Variants in LMBR1 observed in about 807,000 individuals in gnomAD.
The protein encoded by LMBR1 is limb development membrane protein 1.
A neutral mutation model predicts 73.9 loss-of-function variants in LMBR1; 52 were observed. The observed-to-expected ratio is 0.70, with a 90% CI of 0.56 to 0.89. LMBR1 has a LOEUF of 0.89. Ranked by LOEUF, LMBR1 falls within the 40% of genes least tolerant of loss-of-function variation. The pLI is 0.00. For missense variants in LMBR1, 539 were observed against 579.8 expected (o/e 0.93, Z 0.72); for synonymous variants, 215 against 209.4 (o/e 1.03, Z -0.23).
In LMBR1 at chr7:156,681,217, G is replaced by A. The variant is rs1199101771; in HGVS notation, c.*2861C>T. The A allele has an allele frequency of 4.5e-6, 2 of 448,844 alleles. No homozygotes were observed. Among genetic ancestry groups the A allele is most frequent in the Non-Finnish European group, 8.9e-6 (2 of 224,884 alleles). The allele number at this position is 448,844 out of a possible 1,614,324, so 27.8% of individuals were successfully genotyped here. A position where few individuals can be genotyped will look rare whatever the true frequency, so the allele number is the denominator to read the frequency against. ...GACGAGGTCATCACTGAGGCTGCAG[G>A]GAGGGCCATGGGCACCCAGCAGATG... On this transcript the variant is annotated 3_prime_UTR_variant, in exon 17 of 17. Transcript: ENST00000353442.
chr7:156,876,890 T>A (rs1586409635), intron 1 of LMBR1, among the ~76,000 whole-genome samples: 1 of 151,550 alleles, frequency 6.6e-6, no homozygotes, highest in South Asian at 2.1e-4. Flanking sequence ...AAATAGACAA[T>A]CTAAGGTCAC....
At chr7:156,689,352 T>A (rs1356184098) in intron 15 of LMBR1, among the ~76,000 whole-genome samples, 2 of 152,234 alleles carry the variant, frequency 1.3e-5, no homozygotes, top group African/African-American at 2.4e-5. Flanking sequence ...AATAAAATTA[T>A]GTACCTTGTA....
intron 5 of LMBR1, among the ~76,000 whole-genome samples, chr7:156,769,631 A>G (rs1383843194): frequency 6.6e-6 from 1 of 152,224 alleles, no homozygotes; most frequent in Non-Finnish European, 1.5e-5. Flanking sequence ...GGATGCTGGC[A>G]GGAGACACAA....
chr7:156,876,361 C>T (rs575838180), intron 1 of LMBR1, among the ~76,000 whole-genome samples: 30 of 152,222 alleles, frequency 2.0e-4, no homozygotes, highest in Non-Finnish European at 4.3e-4. Context: ...GACAGCAACA[C>T]AATAATAGTG....
chr7:156,734,279 T>C (rs776206316), intron 9 of LMBR1, 22 bp from the exon 10 acceptor site: 8 of 1,554,100 alleles, frequency 5.1e-6, no homozygotes, highest in East Asian at 2.3e-5. Flanking sequence ...AAAAAATATT[T>C]AGAAGTAAAA....
intron 8 of LMBR1, among the ~76,000 whole-genome samples, chr7:156,757,128 C>A (rs967875794): frequency 5.8e-4 from 89 of 152,176 alleles, no homozygotes; most frequent in Admixed American, 2.6e-4. Context: ...CCTACATGTA[C>A]CAATTTTAAA....
Position 156,706,000 on chromosome 7 carries a change from G to C in LMBR1, c.1226-17809C>G, listed in dbSNP as rs903138881. ...GATACAGATTGGTGGAATGGATAGA[G>C]AAAAACATGATCCAACCATACACTG... On this transcript the variant is annotated intron_variant, in intron 15 of 16. Transcript: ENST00000353442. Among the ~76,000 whole-genome samples the C allele has an allele frequency of 3.3e-5, 5 of 152,016 alleles. No individual in the cohort carries two copies. The East Asian group carries it at 9.6e-4, about 29-fold the overall frequency.
In LMBR1 at chr7:156,819,253, C is replaced by T. The variant is rs189757452; in HGVS notation, c.319+7352G>A. Among the ~76,000 whole-genome samples the T allele has an allele frequency of 2.2e-3, 332 of 152,284 alleles. 1 individual carries two copies. Among genetic ancestry groups the T allele is most frequent in the African/African-American group, 7.8e-3 (323 of 41,556 alleles). On this transcript the variant is annotated intron_variant, in intron 4 of 16. Coordinates refer to ENST00000353442, the MANE Select transcript of LMBR1 (RefSeq NM_022458.4). ...AACACATAACATCTCAAACCTGTAT[C>T]CAAAATCCAAACACTATATTTAAGC...
Position 156,763,685 on chromosome 7 carries a change from G to T in LMBR1, c.534C>A (p.Ser178Arg). Reference protein sequence around the residue: ...ASALIDNDAASMESLYDLWEF... With the variant: ...ASALIDNDAARMESLYDLWEF... ...AATCCATACCATATAAAGATTCCAT[G>T]CTTGCGGCATCGTTGTCAATGAGTG... The change falls in exon 6 of 17, where the codon AGC becomes AGA. Residue 178 changes from serine to arginine, a missense_variant. Coordinates refer to ENST00000353442, the MANE Select transcript of LMBR1 (RefSeq NM_022458.4). 1 of 1,591,430 alleles carries T rather than the reference G, an allele frequency of 6.3e-7. No individual in the cohort carries two copies. Among genetic ancestry groups the T allele is most frequent in the South Asian group, 1.2e-5 (1 of 85,852 alleles).
chr7:156,711,630 G>C (rs899598603), intron 15 of LMBR1, among the ~76,000 whole-genome samples: 16 of 152,140 alleles, frequency 1.1e-4, no homozygotes, highest in African/African-American at 3.9e-4. Flanking sequence ...AACCATAAGA[G>C]TATGGTACTA....
At position 156,725,453 on chromosome 7, in the gene LMBR1, A is replaced by T; in HGVS notation, c.1140T>A (p.Asp380Glu). The T allele has an allele frequency of 6.2e-7, 1 of 1,608,046 alleles. No homozygotes were observed. Among genetic ancestry groups the T allele is most frequent in the Non-Finnish European group, 8.5e-7 (1 of 1,175,688 alleles). Residue 380 changes from aspartate to glutamate, a missense_variant, in exon 14 of 17, where the codon GAT becomes GAA. Asp to Glu is a conservative substitution (Grantham distance 45). This residue lies in a region of LMBR1 where 454 missense variants were observed against 473.4 expected (regional missense o/e 0.96). Transcript: ENST00000353442. ...RFFGNFTPKK[D>E]DTTMTKIIGN... ...ACCTTACCTTTGTCATAGTTGTGTC[A>T]TCTTTCTTGGGAGTAAAGTTTCCAA...
chr7:156,714,036 C>G (rs1052071225), intron 15 of LMBR1, among the ~76,000 whole-genome samples: 1 of 152,122 alleles, frequency 6.6e-6, no homozygotes, highest in Non-Finnish European at 1.5e-5. Context: ...TGATAGCCTT[C>G]CTAGGAAGAC....
intron 4 of LMBR1, among the ~76,000 whole-genome samples, chr7:156,799,965 G>C (rs1048574864): frequency 1.3e-5 from 2 of 152,202 alleles, no homozygotes; most frequent in Non-Finnish European, 2.9e-5. Flanking sequence ...ATCTATGAAG[G>C]CTGAGGGAGG....
chr7:156,737,395 G>A (rs1450757272), intron 9 of LMBR1, among the ~76,000 whole-genome samples: 5 of 152,082 alleles, frequency 3.3e-5, no homozygotes, highest in Admixed American at 3.3e-4. Context: ...TGTCCCCAGT[G>A]TTCTTGATGA....
chr7:156,802,327 T>A (rs1474933726), intron 4 of LMBR1, among the ~76,000 whole-genome samples: 1 of 152,224 alleles, frequency 6.6e-6, no homozygotes, highest in Non-Finnish European at 1.5e-5. Flanking sequence ...AATGTATGAT[T>A]ACAAATCTCT....
chr7:156,860,050 G>A lies in LMBR1; in HGVS notation c.67-23165C>T, dbSNP rs1345977308. On this transcript the variant is annotated intron_variant, in intron 1 of 16. Transcript: ENST00000353442. Reference sequence around the variant, plus strand: ...AGAAAGAATAGTCTATTCAACAAACGGTGCTATAACAACTGGACATCCACG... The same window carrying A: ...AGAAAGAATAGTCTATTCAACAAACAGTGCTATAACAACTGGACATCCACG... Among the ~76,000 whole-genome samples, 12 of 152,240 alleles carry A rather than the reference G, an allele frequency of 7.9e-5. No individual in the cohort carries two copies. In the South Asian group the frequency reaches 8.3e-4, roughly 11 times the overall value.
chr7:156,781,694 C>T (rs912162155), intron 5 of LMBR1, among the ~76,000 whole-genome samples: 1 of 152,094 alleles, frequency 6.6e-6, no homozygotes, highest in Non-Finnish European at 1.5e-5. Context: ...CATGGATATA[C>T]TACCCAACTA....
At chr7:156,800,541 G>C (rs1291910263) in intron 4 of LMBR1, among the ~76,000 whole-genome samples, 1 of 146,604 alleles carries the variant, frequency 6.8e-6, no homozygotes, top group Non-Finnish European at 1.5e-5. Context: ...TGCACCTGCT[G>C]ATGGAGATGA....
At chr7:156,728,534 T>C (rs1422659281) in intron 11 of LMBR1, 110 bp downstream of exon 11, 3 of 722,414 alleles carry the variant, frequency 4.2e-6, no homozygotes, top group South Asian at 2.0e-5. Flanking sequence ...ATCCTGTTGA[T>C]AGAAAACTAG....
Sources: gnomAD v4.1 joint callset for allele counts (sites outside exome capture counted in the v4.1 genomes callset) on GRCh38, gnomAD v4.1.1 for gene constraint, gnomAD v4.1.1 regional missense constraint, MANE v1.5 for transcripts, NCBI Gene and HGNC (gene_info 2026-07-23, HGNC 2026-07-21) for gene names.